Variants in SREK1 observed in about 807,000 individuals in gnomAD.
SREK1 encodes splicing regulatory glutamic acid and lysine rich protein 1.
In SREK1, 13 loss-of-function variants were observed where a neutral mutation model predicts 66.5. The ratio of observed to expected loss-of-function variants is 0.20; its 90% CI spans 0.13 to 0.31. The LOEUF is 0.31. Ranked by LOEUF, SREK1 falls within the 10% of genes least tolerant of loss-of-function variation. The pLI is 1.00. For synonymous variants in SREK1, 265 were observed against 263.5 expected (o/e 1.01, Z -0.05); for missense variants, 607 against 769.6 (o/e 0.79, Z 2.50).
At chr5:66,155,568 G>C (rs945056858) in intron 2 of SREK1, among the ~76,000 whole-genome samples, 4 of 152,224 alleles carry the variant, frequency 2.6e-5, no homozygotes, top group Non-Finnish European at 5.9e-5. Context: ...TGTAAGAGGA[G>C]ATGTGCTGTG....
chr5:66,147,893 GTTA>G (rs1455434338), intron 1 of SREK1, among the ~76,000 whole-genome samples: 4 of 150,218 alleles, frequency 2.7e-5, no homozygotes, highest in African/African-American at 4.8e-5. Context: ...GAATCACACT[GTTA>G]TTTTACTTTT....
At chr5:66,167,873 T>C (rs1288521712) in intron 7 of SREK1, 4 of 152,200 alleles carry the variant, frequency 2.6e-5, no homozygotes, top group African/African-American at 7.2e-5. Flanking sequence ...TTATTAAGTA[T>C]GTAGAAGCAA....
At position 66,173,389 on chromosome 5, in the gene SREK1, C is replaced by T. The variant is rs138029804; in HGVS notation, c.1485-1557C>T. Among the ~76,000 whole-genome samples the T allele has an allele frequency of 4.2e-3, 633 of 152,258 alleles. 4 individuals carry two copies. The highest frequency in any genetic ancestry group is 0.015 in the African/African-American group (617 of 41,556). On this transcript the variant is annotated intron_variant, in intron 9 of 11. Transcript: ENST00000334121. Reference sequence around the variant, plus strand: ...TTGAGCACCTACTCTGTGTCACACTCTATGCTTTGCACATTACAGATTTTA... The same window carrying T: ...TTGAGCACCTACTCTGTGTCACACTTTATGCTTTGCACATTACAGATTTTA...
intron 3 of SREK1, 111 bp downstream of exon 3, chr5:66,159,445 A>G: frequency 1.3e-6 from 1 of 793,980 alleles, no homozygotes. Context: ...TTTTTTTTTT[A>G]ATAGAGAGGA....
At chr5:66,154,979 TATATC>T (rs1744156812) in intron 2 of SREK1, among the ~76,000 whole-genome samples, 1 of 152,190 alleles carries the variant, frequency 6.6e-6, no homozygotes, top group South Asian at 2.1e-4. Flanking sequence ...GAATATTAAT[TATATC>T]AGAAAATTAA....
intron 1 of SREK1, among the ~76,000 whole-genome samples, chr5:66,152,566 T>G (rs1743935549): frequency 6.6e-6 from 1 of 152,232 alleles, no homozygotes; most frequent in African/African-American, 2.4e-5. Context: ...CAAAAGTAAA[T>G]GACTATTAAG....
intron 1 of SREK1, among the ~76,000 whole-genome samples, chr5:66,151,795 C>A (rs141432582): frequency 6.7e-6 from 1 of 149,710 alleles, no homozygotes; most frequent in African/African-American, 2.5e-5. Context: ...GAATTGGATG[C>A]CCTTAGGCAG....
intron 7 of SREK1, chr5:66,165,224 G>A (rs1745076050): frequency 5.6e-6 from 1 of 178,710 alleles, no homozygotes; most frequent in Admixed American, 5.7e-5. Context: ...TTCATATTGA[G>A]AAAAGGGAAC....
intron 9 of SREK1, among the ~76,000 whole-genome samples, chr5:66,171,464 C>T (rs1374980921): frequency 1.3e-5 from 2 of 152,072 alleles, no homozygotes; most frequent in East Asian, 3.8e-4. Flanking sequence ...ACCGTGATTT[C>T]AGTTTATTAA....
Position 66,181,904 on chromosome 5 carries a change from G to GGT in SREK1, c.*3037_*3038insTG, listed in dbSNP as rs998325977. 10 of 137,144 alleles carry GGT rather than the reference G, an allele frequency of 7.3e-5. No individual in the cohort carries two copies. The highest frequency in any genetic ancestry group is 2.8e-4 in the South Asian group (1 of 3,604). The allele number at this position is 137,144 out of a possible 1,614,324, so 8.5% of individuals were successfully genotyped here. ...ATAATGAAAAGGTTTTTTTGTCGGG[G>GGT]GGGGGGGGGTCAAGAGAATTTATTT... On this transcript the variant is annotated 3_prime_UTR_variant, in exon 12 of 12. Transcript: ENST00000334121.
chr5:66,175,132 A>G (rs1745954822), intron 10 of SREK1, 91 bp downstream of exon 10: 1 of 1,052,464 alleles, frequency 9.5e-7, no homozygotes, highest in South Asian at 1.7e-5. Context: ...TTTAAACTTT[A>G]TATTTTGAAT....
chr5:66,177,846 A>C (rs1191630090), intron 11 of SREK1, among the ~76,000 whole-genome samples, 188 bp downstream of exon 11: 1 of 152,134 alleles, frequency 6.6e-6, no homozygotes. Flanking sequence ...AGAGCCAATT[A>C]AAACTAAAAA....
At chr5:66,164,723 T>A in intron 6 of SREK1, 60 bp from the exon 7 acceptor site, 4 of 1,612,836 alleles carry the variant, frequency 2.5e-6, no homozygotes, top group Non-Finnish European at 3.4e-6. Context: ...TGTGCCTGAT[T>A]ATTAACTGGG....
At chr5:66,165,925 T>C (rs1745139335) in intron 7 of SREK1, 2 of 152,096 alleles carry the variant, frequency 1.3e-5, no homozygotes. Flanking sequence ...TGAGGAAAAA[T>C]AGGATGTTCT....
chr5:66,156,564 GC>G (rs1267623096), intron 2 of SREK1: 3 of 985,478 alleles, frequency 3.0e-6, no homozygotes, highest in Admixed American at 1.2e-4. Flanking sequence ...TGATCTCAGC[GC>G]AACATTTTTC....
intron 3 of SREK1, among the ~76,000 whole-genome samples, chr5:66,160,834 T>A (rs942840653): frequency 6.6e-6 from 1 of 152,212 alleles, no homozygotes. Context: ...ATAGTATAAG[T>A]GGAAATGAAA....
At chr5:66,164,965 A>G in intron 7 of SREK1, 68 bp downstream of exon 7, 1 of 1,435,392 alleles carries the variant, frequency 7.0e-7, no homozygotes, top group Middle Eastern at 2.3e-4. Flanking sequence ...AGATTTTATG[A>G]GTTTTCGTCA....
Position 66,180,470 on chromosome 5 carries a change from T to C in SREK1, c.*1602T>C, listed in dbSNP as rs1746405153. 6.6e-6 allele frequency: 1 copy of C among 152,620 alleles called. No individual in the cohort carries two copies. The highest frequency in any genetic ancestry group is 1.5e-5 in the Non-Finnish European group (1 of 68,012). 9.5% of individuals were successfully genotyped at this position (152,620 alleles called of 1,614,324 possible). On this transcript the variant is annotated 3_prime_UTR_variant, in exon 12 of 12. Transcript: ENST00000334121. ...TTACTTGGTTTCAACTTGAGTTTTC[T>C]TTTAATGTTAATAAGATTGAAACTT...
chr5:66,146,047 A>C (rs1743166715), intron 1 of SREK1, among the ~76,000 whole-genome samples: 1 of 152,010 alleles, frequency 6.6e-6, no homozygotes, highest in Non-Finnish European at 1.5e-5. Context: ...ATTTTTGACG[A>C]GAATACTGCA....
Sources: allele counts gnomAD v4.1 joint callset (sites outside exome capture counted in the v4.1 genomes callset), GRCh38; gene constraint gnomAD v4.1.1; transcripts MANE v1.5; gene names NCBI Gene and HGNC (gene_info 2026-07-23, HGNC 2026-07-21).